Variants in ACAT2 observed in about 807,000 individuals in gnomAD.
The protein encoded by ACAT2 is acetyl-CoA acetyltransferase 2, also known as acetyl-CoA acetyltransferase, cytosolic.
A neutral mutation model predicts 37.1 loss-of-function variants in ACAT2; 26 were observed. That is an observed-to-expected ratio of 0.70 (90% CI 0.51 to 0.97). The LOEUF is 0.97. Among genes scored for constraint, ACAT2 ranks in the 50% least tolerant of loss-of-function variants. The probability of loss-of-function intolerance (pLI) is 0.00; values close to 1 mark genes in which losing one functional copy is unlikely to be tolerated. For synonymous variants in ACAT2, 156 were observed against 163.6 expected (o/e 0.95, Z 0.35); for missense variants, 468 against 489.0 (o/e 0.96, Z 0.40).
Position 159,762,835 on chromosome 6 carries a change from G to T in ACAT2, c.56-84G>T. 3.1e-6 allele frequency: 5 copies of T among 1,596,958 alleles called. No individual in the cohort carries two copies. In the South Asian group the frequency reaches 5.6e-5, roughly 18 times the overall value. Reference sequence around the variant, plus strand: ...CTCCTCGCGTGGCCTTGCCAAACAGGGTCATGAGGCTCCCCTGCTCGTAGG... The same window carrying T: ...CTCCTCGCGTGGCCTTGCCAAACAGTGTCATGAGGCTCCCCTGCTCGTAGG... On this transcript the variant is annotated intron_variant, in intron 1 of 8. Transcript: ENST00000367048.
intron 4 of ACAT2, among the ~76,000 whole-genome samples, chr6:159,769,899 A>C (rs145373288): frequency 3.0e-4 from 45 of 152,352 alleles, no homozygotes; most frequent in African/African-American, 1.0e-3. Flanking sequence ...CTAAGCTTGT[A>C]GATAACAGCT....
At chr6:159,774,942 A>G (rs1025087289) in intron 4 of ACAT2, among the ~76,000 whole-genome samples, 2 of 152,210 alleles carry the variant, frequency 1.3e-5, no homozygotes, top group South Asian at 2.1e-4. Flanking sequence ...TAAGTTTACA[A>G]TTATATAGAA....
In ACAT2 at chr6:159,762,065, C is replaced by T. The variant is rs779422593; in HGVS notation, c.-23C>T. On this transcript the variant is annotated 5_prime_UTR_variant, in exon 1 of 9. Transcript: ENST00000367048. ...TGCCTAGCTTGCAGGCAGCGCAGGG[C>T]AGACGGCGGCAGGAGAAGCAAGATG... 17 of 1,612,018 alleles carry T rather than the reference C, an allele frequency of 1.1e-5. No individual in the cohort carries two copies. Among genetic ancestry groups the T allele is most frequent in the Admixed American group, 1.7e-5 (1 of 59,866 alleles).
chr6:159,777,251 G>A, intron 6 of ACAT2, 51 bp from the exon 7 acceptor site: 2 of 1,574,126 alleles, frequency 1.3e-6, no homozygotes, highest in Non-Finnish European at 1.7e-6. Context: ...CCACAGATAT[G>A]TAACTGAGGT....
chr6:159,763,320 A>T (rs1780189837), intron 2 of ACAT2, among the ~76,000 whole-genome samples: 1 of 152,042 alleles, frequency 6.6e-6, no homozygotes, highest in Non-Finnish European at 1.5e-5. Flanking sequence ...TGGGAGGCGG[A>T]GGAGGAAGGA....
chr6:159,762,117 C>A lies in ACAT2; in HGVS notation c.30C>A (p.Ile10=). 1.2e-6 allele frequency: 2 copies of A among 1,612,962 alleles called. No individual in the cohort carries two copies. Among genetic ancestry groups the A allele is most frequent in the Non-Finnish European group, 8.5e-7 (1 of 1,179,486 alleles). Residue 10 remains isoleucine (I), a synonymous_variant, in exon 1 of 9, where the codon ATC becomes ATA. Transcript: ENST00000367048. ...ATGCAGGCTCAGATCCTGTGGTCATCGTCTCGGCGGCGCGGACCATCATAG... is the reference window on the plus strand; with the variant it reads ...ATGCAGGCTCAGATCCTGTGGTCATAGTCTCGGCGGCGCGGACCATCATAG... MNAGSDPVV[I]VSAARTIIGS... is the part of the protein sequence containing the mutation.
chr6:159,778,761 AGTC>A lies in ACAT2; in HGVS notation c.1129_1131del (p.Arg377del). On this transcript the variant is annotated inframe_deletion, in exon 9 of 9. Transcript: ENST00000367048. ...ACACACACTGGAGAGAATGGGCAGAAGTCGTGGTGTTGCAGCCCTGTGCATTGG... is the reference window on the plus strand; with the variant it reads ...ACACACACTGGAGAGAATGGGCAGAAGTGGTGTTGCAGCCCTGTGCATTGG... The A allele has an allele frequency of 2.5e-6, 4 of 1,614,244 alleles. No individual in the cohort carries two copies. Among genetic ancestry groups the A allele is most frequent in the Non-Finnish European group, 3.4e-6 (4 of 1,180,038 alleles).
intron 4 of ACAT2, among the ~76,000 whole-genome samples, chr6:159,774,883 C>T (rs1327585890): frequency 6.6e-6 from 1 of 152,080 alleles, no homozygotes; most frequent in African/African-American, 2.4e-5. Context: ...AATATTAAAG[C>T]AAATGGAGGG....
In ACAT2 at chr6:159,778,703, A is replaced by G. The variant is rs1157708713; in HGVS notation, c.1068A>G (p.Gly356=). 1 of 1,614,082 alleles carries G rather than the reference A, an allele frequency of 6.2e-7. No homozygotes were observed. Among genetic ancestry groups the G allele is most frequent in the Non-Finnish European group, 8.5e-7 (1 of 1,180,040 alleles). ...CTATAGCCTTGGGCCACCCTCTTGG[A>G]GCATCTGGCTGTCGAATTCTTGTGA... ...GGAIALGHPL[G]ASGCRILVTL... Residue 356 remains glycine, a synonymous_variant, in exon 9 of 9, where the codon GGA becomes GGG. Coordinates refer to ENST00000367048, the MANE Select transcript of ACAT2 (RefSeq NM_005891.3).
At chr6:159,777,548 C>T (rs894222794) in intron 7 of ACAT2, 92 bp downstream of exon 7, 2 of 1,356,024 alleles carry the variant, frequency 1.5e-6, no homozygotes, top group Non-Finnish European at 2.0e-6. Context: ...CTTTCCCTAC[C>T]AGAAGAGTAA....
chr6:159,764,630 A>G (rs113762009), intron 2 of ACAT2, among the ~76,000 whole-genome samples: 2,454 of 152,164 alleles, frequency 0.016, 77 homozygotes, highest in African/African-American at 0.056. Context: ...ATTTTTTTGT[A>G]GAAGTGGAGT....
chr6:159,771,217 A>G (rs1457266413), intron 4 of ACAT2, among the ~76,000 whole-genome samples: 8 of 151,980 alleles, frequency 5.3e-5, no homozygotes, highest in African/African-American at 1.9e-4. Flanking sequence ...CTCCATCTCT[A>G]CTAAAAATAC....
chr6:159,772,449 A>G (rs775002200), intron 4 of ACAT2, among the ~76,000 whole-genome samples: 9 of 152,260 alleles, frequency 5.9e-5, no homozygotes, highest in Non-Finnish European at 1.3e-4. Context: ...CAACAAAGGC[A>G]TCAATGGAAT....
At position 159,768,584 on chromosome 6, in the gene ACAT2, A is replaced by T; in HGVS notation, c.446A>T (p.Asp149Val). 2 of 1,613,906 alleles carry T rather than the reference A, an allele frequency of 1.2e-6. No homozygotes were observed. The highest frequency in any genetic ancestry group is 1.7e-6 in the Non-Finnish European group (2 of 1,179,780). Residue 149 changes from aspartate (D) to valine (V), a missense_variant, in exon 4 of 9, where the codon GAT becomes GTT. Transcript: ENST00000367048. ...EMPLTDSILC[D>V]GLTDAFHNCH... Reference sequence around the variant, plus strand: ...CCACTGACTGACAGTATACTCTGTGATGGTCTTACAGATGCATTTCACAAC... The same window carrying T: ...CCACTGACTGACAGTATACTCTGTGTTGGTCTTACAGATGCATTTCACAAC...
At chr6:159,776,372 G>A in intron 6 of ACAT2, 100 bp downstream of exon 6, 1 of 1,374,946 alleles carries the variant, frequency 7.3e-7, no homozygotes, top group Non-Finnish European at 9.7e-7. Context: ...ACTATTTTTT[G>A]GGACAGGGAC....
chr6:159,776,404 T>C, intron 6 of ACAT2, 132 bp downstream of exon 6: 4 of 1,161,648 alleles, frequency 3.4e-6, no homozygotes, highest in Non-Finnish European at 4.7e-6. Flanking sequence ...GCCAGGTTCG[T>C]GTGCAGCAAT....
intron 8 of ACAT2, 163 bp from the exon 9 acceptor site, chr6:159,778,496 G>A (rs545934588): frequency 4.7e-5 from 38 of 810,814 alleles, no homozygotes; most frequent in Middle Eastern, 6.9e-4. Flanking sequence ...GATAGGCAGG[G>A]ATGAATTTTC....
intron 2 of ACAT2, among the ~76,000 whole-genome samples, chr6:159,765,002 C>T (rs969326777): frequency 3.9e-5 from 6 of 152,200 alleles, no homozygotes; most frequent in African/African-American, 1.4e-4. Context: ...TTGTGCCAGG[C>T]ACTATTTTAG....
intron 7 of ACAT2, among the ~76,000 whole-genome samples, chr6:159,777,934 A>C (rs1182427957): frequency 6.6e-6 from 1 of 152,178 alleles, no homozygotes; most frequent in African/African-American, 2.4e-5. Context: ...ACTGGTTCAA[A>C]ATTTTAAGAC....
Sources: gnomAD v4.1 joint callset for allele counts (sites outside exome capture counted in the v4.1 genomes callset) on GRCh38, gnomAD v4.1.1 for gene constraint, MANE v1.5 for transcripts, NCBI Gene and HGNC (gene_info 2026-07-23, HGNC 2026-07-21) for gene names.